EYS: variants seen among roughly 807,000 people sequenced by gnomAD.
The protein encoded by EYS is EGF-like photoreceptor maintenance factor.
Under a neutral mutation model 282.1 loss-of-function variants are expected in EYS, and 250 were observed. That is an observed-to-expected ratio of 0.89 (90% CI 0.80 to 0.98). The LOEUF (loss-of-function observed/expected upper bound fraction) is 0.98. Among genes scored for constraint, EYS ranks in the 50% least tolerant of loss-of-function variants. The probability of loss-of-function intolerance (pLI) is 0.00; values close to 1 mark genes in which losing one functional copy is unlikely to be tolerated. For missense variants in EYS, 4,016 were observed against 3,709.0 expected, an observed-to-expected ratio of 1.08 and a Z score of -2.15; for synonymous variants, 1,355 against 1,282.9, an observed-to-expected ratio of 1.06 and a Z score of -1.20.
chr6:64,068,284 G>A (rs545056258), intron 32 of EYS, among the ~76,000 whole-genome samples: 14 of 151,980 alleles, frequency 9.2e-5, no homozygotes, highest in Non-Finnish European at 1.8e-4. Context: ...ATGTCACTTT[G>A]TGTTTCTTGC....
intron 31 of EYS, among the ~76,000 whole-genome samples, chr6:64,108,275 C>T (rs1211988172): frequency 6.6e-6 from 1 of 152,054 alleles, no homozygotes; most frequent in Admixed American, 6.6e-5. Context: ...CATTTTTGTA[C>T]CCTGGGACTG....
intron 22 of EYS, among the ~76,000 whole-genome samples, chr6:64,724,522 T>A (rs1337193276): frequency 1.3e-5 from 2 of 152,212 alleles, no homozygotes; most frequent in Admixed American, 6.5e-5. Context: ...AGCCATGTGC[T>A]GCTCAAACAT....
chr6:63,734,894 A>G (rs939187708), intron 41 of EYS, among the ~76,000 whole-genome samples: 4 of 152,160 alleles, frequency 2.6e-5, no homozygotes, highest in Admixed American at 2.6e-4. Context: ...TTTAAACAAC[A>G]CAATCAACAT....
chr6:64,647,356 T>A (rs531573226), intron 22 of EYS, among the ~76,000 whole-genome samples: 21 of 152,240 alleles, frequency 1.4e-4, no homozygotes, highest in African/African-American at 4.8e-4. Flanking sequence ...ACACACATAT[T>A]GAGAGAGACA....
At chr6:65,279,324 A>C (rs1425607147) in intron 12 of EYS, among the ~76,000 whole-genome samples, 1 of 151,848 alleles carries the variant, frequency 6.6e-6, no homozygotes, top group Non-Finnish European at 1.5e-5. Flanking sequence ...TTTTTTCTAG[A>C]TCTCTGCTTA....
chr6:64,624,382 CTG>C (rs1245776924), intron 23 of EYS, among the ~76,000 whole-genome samples: 2 of 152,072 alleles, frequency 1.3e-5, no homozygotes, highest in Non-Finnish European at 2.9e-5. Flanking sequence ...TTTTACTTAA[CTG>C]TTTCTGTAGA....
At chr6:64,095,751 T>C (rs1381314193) in intron 31 of EYS, among the ~76,000 whole-genome samples, 1 of 152,220 alleles carries the variant, frequency 6.6e-6, no homozygotes, top group Non-Finnish European at 1.5e-5. Context: ...TTAGCCTATT[T>C]ACATTTAAGG....
At chr6:63,881,766 A>G (rs1440556999) in intron 35 of EYS, among the ~76,000 whole-genome samples, 2 of 152,174 alleles carry the variant, frequency 1.3e-5, no homozygotes, top group African/African-American at 2.4e-5. Flanking sequence ...CATATATTTT[A>G]TCTACATTAA....
intron 35 of EYS, among the ~76,000 whole-genome samples, chr6:63,894,644 C>G (rs1199014693): frequency 6.6e-6 from 1 of 151,740 alleles, no homozygotes; most frequent in Non-Finnish European, 1.5e-5. Flanking sequence ...TGCAGTGGCA[C>G]AATCTCTGCT....
intron 2 of EYS, among the ~76,000 whole-genome samples, chr6:65,565,606 C>T (rs1769249024): frequency 6.6e-6 from 1 of 151,860 alleles, no homozygotes; most frequent in South Asian, 2.1e-4. Context: ...GGGTATATAC[C>T]CAAAGGATTA....
rs1772065266 is a variant in EYS at position 64,083,989 on chromosome 6, C to T, written c.6425-1987G>A. On this transcript the variant is annotated intron_variant, in intron 31 of 42. Transcript: ENST00000503581. ...CTGACCTCAGGTGATCCACCTGCCT[C>T]AGTCTCCCAAAGTGCTGGGATTACA... 2.0e-5 allele frequency among the ~76,000 whole-genome samples: 3 copies of T among 152,312 alleles called. No homozygotes were observed. The South Asian group carries it at 6.2e-4, about 32-fold the overall frequency.
chr6:64,007,391 A>G (rs1433845512), intron 33 of EYS, among the ~76,000 whole-genome samples: 1 of 150,290 alleles, frequency 6.7e-6, no homozygotes, highest in African/African-American at 2.4e-5. Context: ...TTTAATTTCA[A>G]TTAGCCTACC....
intron 22 of EYS, among the ~76,000 whole-genome samples, chr6:64,627,922 T>C (rs1767659308): frequency 6.6e-6 from 1 of 151,866 alleles, no homozygotes; most frequent in Admixed American, 6.6e-5. Flanking sequence ...TACTAAAAAA[T>C]ACAAAAAATT....
At chr6:65,187,082 C>G (rs564987783) in intron 12 of EYS, among the ~76,000 whole-genome samples, 1 of 151,804 alleles carries the variant, frequency 6.6e-6, no homozygotes, top group East Asian at 2.0e-4. Flanking sequence ...GCAGTCTGGT[C>G]ACATGAAACT....
chr6:65,322,592 C>G (rs1471226189), intron 11 of EYS, among the ~76,000 whole-genome samples: 2 of 151,794 alleles, frequency 1.3e-5, no homozygotes, highest in Admixed American at 6.6e-5. Context: ...GTCAAGAGAT[C>G]GAGACCATCC....
In EYS at chr6:63,831,879, C is replaced by G. The variant is rs374213694; in HGVS notation, c.7229-25507G>C. 3.3e-5 allele frequency among the ~76,000 whole-genome samples: 5 copies of G among 152,192 alleles called. No homozygotes were observed. The East Asian group carries it at 5.8e-4, about 18-fold the overall frequency. ...ACAAAAAACTGTCTCTCAGACCACA[C>G]TGCAATCAAACTAGAACTCAGGATT... On this transcript the variant is annotated intron_variant, in intron 36 of 42. Transcript: ENST00000503581.
chr6:65,188,256 A>G (rs1186521892), intron 12 of EYS, among the ~76,000 whole-genome samples: 1 of 151,756 alleles, frequency 6.6e-6, no homozygotes, highest in Non-Finnish European at 1.5e-5. Flanking sequence ...CTTGACTAGG[A>G]AAAAATGCTA....
intron 30 of EYS, among the ~76,000 whole-genome samples, chr6:64,299,373 C>A (rs998146615): frequency 1.3e-5 from 2 of 152,218 alleles, no homozygotes; most frequent in African/African-American, 4.8e-5. Context: ...CTGTGATTGG[C>A]ACAGCCCCCT....
At chr6:64,587,085 A>G (rs1244497559) in intron 26 of EYS, among the ~76,000 whole-genome samples, 1 of 152,114 alleles carries the variant, frequency 6.6e-6, no homozygotes, top group Non-Finnish European at 1.5e-5. Context: ...CAGGGCTAGC[A>G]ATCATGCACT....
Sources: allele counts gnomAD v4.1 joint callset (sites outside exome capture counted in the v4.1 genomes callset), GRCh38; gene constraint gnomAD v4.1.1; transcripts MANE v1.5; gene names NCBI Gene and HGNC (gene_info 2026-07-23, HGNC 2026-07-21).